The following FGF14 variants were observed in gnomAD, a reference collection of about 807,000 sequenced individuals.
The protein encoded by FGF14 is fibroblast growth factor homologous factor 4.
In FGF14, 5 loss-of-function variants were observed where a neutral mutation model predicts 25.5. That is an observed-to-expected ratio of 0.20 (90% CI 0.10 to 0.41). The LOEUF (loss-of-function observed/expected upper bound fraction) is 0.41. Among genes scored for constraint, FGF14 ranks in the 10% least tolerant of loss-of-function variants. The pLI, the probability that FGF14 is intolerant of heterozygous loss-of-function variation, is 1.00. For missense variants in FGF14, 222 were observed against 320.1 expected, an observed-to-expected ratio of 0.69 and a Z score of 2.34; for synonymous variants, 138 against 118.3, an observed-to-expected ratio of 1.17 and a Z score of -1.08.
intron 3 of FGF14, among the ~76,000 whole-genome samples, chr13:101,790,213 T>C (rs2140086291): frequency 6.6e-6 from 1 of 152,092 alleles, no homozygotes; most frequent in Middle Eastern, 3.4e-3. Flanking sequence ...CTTTTTACTC[T>C]CTTTTATCCA....
At chr13:102,323,316 G>C (rs985900857) in intron 1 of FGF14, among the ~76,000 whole-genome samples, 3 of 152,140 alleles carry the variant, frequency 2.0e-5, no homozygotes, top group Non-Finnish European at 4.4e-5. Context: ...ATTATATGTA[G>C]TTATAAAGGA....
At chr13:102,033,482 C>T (rs971208659) in intron 1 of FGF14, among the ~76,000 whole-genome samples, 6 of 147,136 alleles carry the variant, frequency 4.1e-5, no homozygotes, top group South Asian at 2.1e-4. Context: ...TTTCAGCCTA[C>T]GCTTGCGTGT....
Position 101,716,230 on chromosome 13 carries a change from T to C in FGF14, c.*6601A>G, listed in dbSNP as rs2034717095. On this transcript the variant is annotated 3_prime_UTR_variant, in exon 5 of 5. Transcript: ENST00000376143. ...TTCCGTATCAGTCACCATTTTAATA[T>C]GGGGACAATGAAGACAAGCACACAG... The C allele has an allele frequency of 6.6e-6, 1 of 152,218 alleles. No homozygotes were observed. Among genetic ancestry groups the C allele is most frequent in the Non-Finnish European group, 1.5e-5 (1 of 68,070 alleles). 9.4% of individuals were successfully genotyped at this position (152,218 alleles called of 1,614,324 possible).
intron 3 of FGF14, among the ~76,000 whole-genome samples, chr13:101,804,758 C>T (rs1451879303): frequency 6.6e-6 from 1 of 152,044 alleles, no homozygotes; most frequent in African/African-American, 2.4e-5. Flanking sequence ...AATGCAACTA[C>T]CATGTAAACC....
chr13:102,019,065 C>T (rs916472076), intron 1 of FGF14, among the ~76,000 whole-genome samples: 6 of 152,254 alleles, frequency 3.9e-5, no homozygotes, highest in Admixed American at 1.3e-4. Flanking sequence ...TCATTGTAGA[C>T]ATTTTGCAAG....
chr13:101,835,851 A>G (rs190210651), intron 3 of FGF14, among the ~76,000 whole-genome samples: 172 of 152,128 alleles, frequency 1.1e-3, no homozygotes, highest in Non-Finnish European at 1.4e-3. Context: ...AAAGCTTAAG[A>G]TATGTTCCTG....
chr13:101,907,939 A>T (rs9585807), intron 1 of FGF14, among the ~76,000 whole-genome samples: 2,578 of 152,226 alleles, frequency 0.017, 80 homozygotes, highest in African/African-American at 0.059. Context: ...GTAAAAAAAT[A>T]AAAAGAGGAG....
intron 1 of FGF14, among the ~76,000 whole-genome samples, chr13:102,283,222 T>C (rs1024418511): frequency 6.6e-6 from 1 of 152,222 alleles, no homozygotes; most frequent in Non-Finnish European, 1.5e-5. Context: ...CTATTTTCAC[T>C]GAAATTCCAT....
chr13:102,239,879 C>T (rs2051508560), intron 1 of FGF14, among the ~76,000 whole-genome samples: 1 of 152,092 alleles, frequency 6.6e-6, no homozygotes, highest in South Asian at 2.1e-4. Flanking sequence ...ACACCTTTAA[C>T]AAATGTCACT....
chr13:102,145,661 G>A (rs1250773251), intron 1 of FGF14, among the ~76,000 whole-genome samples: 1 of 152,082 alleles, frequency 6.6e-6, no homozygotes, highest in African/African-American at 2.4e-5. Flanking sequence ...TTGTTATGCT[G>A]CATAGCAATA....
At chr13:101,854,224 TA>T (rs1486946479) in intron 3 of FGF14, among the ~76,000 whole-genome samples, 2 of 152,140 alleles carry the variant, frequency 1.3e-5, no homozygotes, top group African/African-American at 2.4e-5. Flanking sequence ...AACAAGTATG[TA>T]TATGCATTTA....
chr13:102,033,780 C>T (rs2041334071), intron 1 of FGF14, among the ~76,000 whole-genome samples: 3 of 152,232 alleles, frequency 2.0e-5, no homozygotes, highest in East Asian at 1.9e-4. Context: ...TGCAAAGAAT[C>T]GTTTGGTTTC....
In FGF14 at chr13:102,326,745, AGGAAGGAAAGAGGGAG is replaced by A. The variant is rs1303268174; in HGVS notation, c.208+74710_208+74725del. ...AAGGAAGGAAGGAAGGAAGGAAGGA[AGGAAGGAAAGAGGGAG>A]GGAAGGAAGGAAGAAAAAAAAGGAA... On this transcript the variant is annotated intron_variant, in intron 1 of 4. Coordinates refer to the FGF14 transcript ENST00000376131. 1.7e-3 allele frequency among the ~76,000 whole-genome samples: 168 copies of A among 98,804 alleles called. 6 individuals carry two copies. Among genetic ancestry groups the A allele is most frequent in the African/African-American group, 5.3e-3 (128 of 24,154 alleles). The allele number at this position is 98,804 out of a possible 152,430, so 64.8% of individuals were successfully genotyped here. A position where few individuals can be genotyped will look rare whatever the true frequency, so the allele number is the denominator to read the frequency against.
At chr13:102,275,431 T>C (rs1280574580) in intron 1 of FGF14, among the ~76,000 whole-genome samples, 1 of 152,136 alleles carries the variant, frequency 6.6e-6, no homozygotes, top group Non-Finnish European at 1.5e-5. Flanking sequence ...CTCTGAAAAT[T>C]TGTATTTAAA....
At chr13:101,826,302 C>A (rs973687300) in intron 3 of FGF14, among the ~76,000 whole-genome samples, 11 of 152,062 alleles carry the variant, frequency 7.2e-5, no homozygotes, top group Admixed American at 6.6e-5. Context: ...AAGCTTTATC[C>A]TGAGGCACAT....
chr13:102,055,758 G>A (rs2042401625), intron 1 of FGF14, among the ~76,000 whole-genome samples: 1 of 152,138 alleles, frequency 6.6e-6, no homozygotes, highest in Non-Finnish European at 1.5e-5. Context: ...TGCAAATAAA[G>A]CTTTTGTATT....
chr13:102,252,395 C>T (rs1007738184), intron 1 of FGF14, among the ~76,000 whole-genome samples: 2 of 152,144 alleles, frequency 1.3e-5, no homozygotes, highest in African/African-American at 4.8e-5. Context: ...TAATAACTTG[C>T]TTAACAAGGC....
chr13:102,145,587 A>C (rs1344024230), intron 1 of FGF14, among the ~76,000 whole-genome samples: 2 of 152,190 alleles, frequency 1.3e-5, no homozygotes, highest in African/African-American at 4.8e-5. Context: ...TTAAATATGC[A>C]CTTTCCTTCA....
chr13:102,157,530 T>C (rs923080160), intron 1 of FGF14, among the ~76,000 whole-genome samples: 4 of 152,188 alleles, frequency 2.6e-5, no homozygotes, highest in African/African-American at 9.6e-5. Flanking sequence ...AAGACTTAAA[T>C]GTTAGATCTA....
Sources: allele counts gnomAD v4.1 joint callset (sites outside exome capture counted in the v4.1 genomes callset), GRCh38; gene constraint gnomAD v4.1.1; transcripts MANE v1.5; gene names NCBI Gene and HGNC (gene_info 2026-07-23, HGNC 2026-07-21).